CYTIP: variants seen among roughly 807,000 people sequenced by gnomAD.
The protein encoded by CYTIP is cytohesin 1 interacting protein.
In CYTIP, 26 loss-of-function variants were observed where a neutral mutation model predicts 43.8. That is an observed-to-expected ratio of 0.59 (90% CI 0.44 to 0.82). The LOEUF is 0.82. Ranked by LOEUF, CYTIP falls within the 40% of genes least tolerant of loss-of-function variation. CYTIP has a pLI of 0.00. For missense variants in CYTIP, 426 were observed against 443.1 expected (o/e 0.96, Z 0.35); for synonymous variants, 162 against 162.9 (o/e 0.99, Z 0.04).
Position 157,444,075 on chromosome 2 carries a change from G to A in CYTIP, c.-55C>T, listed in dbSNP as rs1685958714. The A allele has an allele frequency of 6.4e-7, 1 of 1,561,702 alleles. No individual in the cohort carries two copies. Among genetic ancestry groups the A allele is most frequent in the African/African-American group, 1.4e-5 (1 of 73,800 alleles). ...TGGTTGAGTGGCCTTGCAGGATGGG[G>A]GAAGCTAAAAGTACAACTGTGACAA... On this transcript the variant is annotated 5_prime_UTR_variant, in exon 1 of 8. Transcript: ENST00000264192.
chr2:157,425,685 T>A (rs920083685), intron 6 of CYTIP, among the ~76,000 whole-genome samples: 7 of 152,164 alleles, frequency 4.6e-5, no homozygotes, highest in Non-Finnish European at 1.0e-4. Flanking sequence ...GCCCTATTTT[T>A]CATTCTTGTT....
At chr2:157,432,981 G>C (rs1245152549) in intron 3 of CYTIP, among the ~76,000 whole-genome samples, 2 of 152,200 alleles carry the variant, frequency 1.3e-5, no homozygotes, top group African/African-American at 4.8e-5. Flanking sequence ...CAAAAGTTCA[G>C]TGGTGTTGTG....
chr2:157,422,035 A>C (rs776379857), intron 6 of CYTIP, among the ~76,000 whole-genome samples: 21 of 152,202 alleles, frequency 1.4e-4, no homozygotes, highest in Non-Finnish European at 3.1e-4. Flanking sequence ...CATCACTGGG[A>C]AAGGAGGCTG....
At chr2:157,434,961 T>C (rs551918272) in intron 1 of CYTIP, among the ~76,000 whole-genome samples, 68 of 150,276 alleles carry the variant, frequency 4.5e-4, no homozygotes, top group Non-Finnish European at 5.9e-4. Context: ...AAGGCAGCCA[T>C]TTCCATTCTC....
chr2:157,434,853 A>T (rs112950749), intron 1 of CYTIP, 106 bp from the exon 2 acceptor site: 929 of 244,644 alleles, frequency 3.8e-3, no homozygotes, highest in Admixed American at 0.012. Flanking sequence ...TCTCTCTCAC[A>T]CACACACACA....
rs772373409 is a variant in CYTIP, at chr2:157,434,716, T to C, written c.206A>G (p.Asp69Gly). The C allele has an allele frequency of 6.2e-7, 1 of 1,611,158 alleles. No homozygotes were observed. The highest frequency in any genetic ancestry group is 1.7e-5 in the Admixed American group (1 of 59,706). Reference sequence around the variant, plus strand: ...TCTTTACCTTTGAGACCAGGAAAAGTCACTTAAAGAACTTGATCTGGTCAA... The same window carrying C: ...TCTTTACCTTTGAGACCAGGAAAAGCCACTTAAAGAACTTGATCTGGTCAA... Reference protein sequence around the residue: ...LALTRSSSLSDFSWSQRKLVT... With the variant: ...LALTRSSSLSGFSWSQRKLVT... Residue 69 changes from aspartate to glycine, a missense_variant, in exon 2 of 8, where the codon GAC (aspartate) becomes GGC (glycine). Physicochemically the swap from Asp to Gly is moderately conservative, Grantham distance 94. Transcript: ENST00000264192.
chr2:157,440,367 G>A (rs1046579297), intron 1 of CYTIP, among the ~76,000 whole-genome samples: 2 of 152,200 alleles, frequency 1.3e-5, no homozygotes, highest in African/African-American at 4.8e-5. Flanking sequence ...AGTAAGGTCT[G>A]ATGGTGGGCT....
intron 1 of CYTIP, among the ~76,000 whole-genome samples, chr2:157,442,919 C>G (rs1171070746): frequency 6.6e-6 from 1 of 152,018 alleles, no homozygotes; most frequent in African/African-American, 2.4e-5. Flanking sequence ...AGAAATGCTA[C>G]ATCGAAATTC....
At chr2:157,439,692 C>T (rs999602078) in intron 1 of CYTIP, among the ~76,000 whole-genome samples, 2 of 152,176 alleles carry the variant, frequency 1.3e-5, no homozygotes, top group African/African-American at 4.8e-5. Context: ...CTAGGTTTAG[C>T]AATTTGGCAG....
chr2:157,426,684 G>A (rs1201665271), intron 6 of CYTIP, among the ~76,000 whole-genome samples: 3 of 152,098 alleles, frequency 2.0e-5, no homozygotes, highest in African/African-American at 7.2e-5. Flanking sequence ...CAAACAGAGA[G>A]GTCTTTAGAA....
At chr2:157,436,901 AG>A (rs1685816571) in intron 1 of CYTIP, among the ~76,000 whole-genome samples, 1 of 151,984 alleles carries the variant, frequency 6.6e-6, no homozygotes, top group Non-Finnish European at 1.5e-5. Flanking sequence ...TCAATATCAT[AG>A]GAAAAACTCA....
chr2:157,443,900 T>G lies in CYTIP; in HGVS notation c.121A>C (p.Arg41=). The G allele has an allele frequency of 1.2e-6, 2 of 1,614,170 alleles. No homozygotes were observed. Among genetic ancestry groups the G allele is most frequent in the Non-Finnish European group, 1.7e-6 (2 of 1,179,998 alleles). ...ACCGTGTCTGCTAGCATTTGAATCC[T>G]TCTATTATCGTCCATCGTAAGGCTG... ...TGSLTMDDNR[R]IQMLADTVAT... Residue 41 remains arginine (R), a synonymous_variant, in exon 1 of 8, where the codon AGG becomes CGG. Coordinates refer to ENST00000264192, the MANE Select transcript of CYTIP (RefSeq NM_004288.5).
chr2:157,443,157 G>A (rs1268088628), intron 1 of CYTIP, among the ~76,000 whole-genome samples: 1 of 152,166 alleles, frequency 6.6e-6, no homozygotes, highest in Non-Finnish European at 1.5e-5. Flanking sequence ...CTGAATGCCA[G>A]TCACTGTGTT....
At chr2:157,433,102 G>T (rs984467702) in intron 3 of CYTIP, among the ~76,000 whole-genome samples, 1 of 152,122 alleles carries the variant, frequency 6.6e-6, no homozygotes, top group African/African-American at 2.4e-5. Flanking sequence ...AATAAAGAAA[G>T]GTGAGTAGTC....
chr2:157,433,082 G>A (rs1204295762), intron 3 of CYTIP, among the ~76,000 whole-genome samples: 1 of 152,166 alleles, frequency 6.6e-6, no homozygotes, highest in African/African-American at 2.4e-5. Context: ...TATTATGGCA[G>A]TATAAGAAAA....
At chr2:157,437,778 A>G (rs886776135) in intron 1 of CYTIP, among the ~76,000 whole-genome samples, 1 of 152,144 alleles carries the variant, frequency 6.6e-6, no homozygotes, top group Non-Finnish European at 1.5e-5. Flanking sequence ...AAAAATGCTC[A>G]ATATCACTCA....
intron 1 of CYTIP, among the ~76,000 whole-genome samples, chr2:157,436,021 G>A (rs1685803488): frequency 6.6e-6 from 1 of 152,174 alleles, no homozygotes; most frequent in Admixed American, 6.5e-5. Flanking sequence ...TCAGCCACCA[G>A]TCCATAAACT....
intron 3 of CYTIP, among the ~76,000 whole-genome samples, chr2:157,433,151 G>A (rs940492594): frequency 1.3e-5 from 2 of 152,162 alleles, no homozygotes; most frequent in Admixed American, 6.5e-5. Context: ...GCACATCCTT[G>A]AGGATAATTT....
intron 5 of CYTIP, among the ~76,000 whole-genome samples, chr2:157,429,174 C>A (rs1269560014): frequency 1.3e-5 from 2 of 152,220 alleles, no homozygotes; most frequent in Non-Finnish European, 2.9e-5. Flanking sequence ...CAGGCCAACT[C>A]TCTGGCTTCA....
Sources: allele counts gnomAD v4.1 joint callset (sites outside exome capture counted in the v4.1 genomes callset), GRCh38; gene constraint gnomAD v4.1.1; transcripts MANE v1.5; gene names NCBI Gene and HGNC (gene_info 2026-07-23, HGNC 2026-07-21).